The following ATP2C2 variants were observed in gnomAD, a reference collection of about 807,000 sequenced individuals.
ATP2C2 encodes the protein ATPase secretory pathway Ca2+ transporting 2.
Under a neutral mutation model 110.8 loss-of-function variants are expected in ATP2C2, and 171 were observed. The observed-to-expected ratio is 1.54, with a 90% CI of 1.36 to 1.75. The LOEUF is 1.75. Ranked by LOEUF, ATP2C2 falls within the 40% of genes most tolerant of loss-of-function variation. The probability of loss-of-function intolerance (pLI) is 0.00; values close to 1 mark genes in which losing one functional copy is unlikely to be tolerated. For synonymous variants in ATP2C2, 804 were observed against 508.4 expected, an observed-to-expected ratio of 1.58 and a Z score of -7.82; for missense variants, 1,963 against 1,235.0, an observed-to-expected ratio of 1.59 and a Z score of -8.84.
chr16:84,452,228 T>G (rs867465820), intron 18 of ATP2C2, 137 bp downstream of exon 18: 3 of 1,059,516 alleles, frequency 2.8e-6, no homozygotes, highest in Non-Finnish European at 4.0e-6. Context: ...GAAAAGACGC[T>G]GAGTATTCGT....
At chr16:84,416,256 C>T (rs1221956753) in intron 7 of ATP2C2, among the ~76,000 whole-genome samples, 3 of 152,168 alleles carry the variant, frequency 2.0e-5, no homozygotes, top group Admixed American at 6.5e-5. Flanking sequence ...CAGAGCCATG[C>T]CTGAGGCACT....
chr16:84,384,864 A>G (rs1904299563), intron 1 of ATP2C2, among the ~76,000 whole-genome samples: 3 of 152,212 alleles, frequency 2.0e-5, no homozygotes, highest in Admixed American at 1.3e-4. Flanking sequence ...AGCCTGGCCA[A>G]CATGGTGAAA....
At chr16:84,438,291 A>G (rs1173207497) in intron 11 of ATP2C2, among the ~76,000 whole-genome samples, 1 of 152,180 alleles carries the variant, frequency 6.6e-6, no homozygotes, top group East Asian at 1.9e-4. Context: ...TGCCCTTTCT[A>G]CAGCCCACCC....
intron 1 of ATP2C2, among the ~76,000 whole-genome samples, chr16:84,394,429 A>G (rs902647594): frequency 6.6e-6 from 1 of 151,992 alleles, no homozygotes; most frequent in African/African-American, 2.4e-5. Flanking sequence ...CTTTCCTATG[A>G]GTGGACTCAC....
At chr16:84,410,150 A>G (rs1906147235) in intron 4 of ATP2C2, among the ~76,000 whole-genome samples, 1 of 152,188 alleles carries the variant, frequency 6.6e-6, no homozygotes. Context: ...CGGAGGTTGC[A>G]GTGAGCCAAG....
chr16:84,405,911 C>T (rs536809906), intron 3 of ATP2C2, among the ~76,000 whole-genome samples: 93 of 152,258 alleles, frequency 6.1e-4, no homozygotes, highest in African/African-American at 2.1e-3. Flanking sequence ...CAGAGTGAGA[C>T]CTTGTCTCCA....
intron 11 of ATP2C2, among the ~76,000 whole-genome samples, chr16:84,437,634 G>A (rs895169312): frequency 1.3e-5 from 2 of 152,166 alleles, no homozygotes; most frequent in Non-Finnish European, 1.5e-5. Context: ...TCCTGCCTCA[G>A]CCTCCTGAGT....
intron 6 of ATP2C2, among the ~76,000 whole-genome samples, chr16:84,411,724 G>C (rs556546182): frequency 5.9e-5 from 9 of 152,254 alleles, no homozygotes; most frequent in South Asian, 4.1e-4. Context: ...TTACAGGTGT[G>C]AGCCACCGTG....
chr16:84,430,521 A>G (rs1181016191), intron 11 of ATP2C2, among the ~76,000 whole-genome samples: 1 of 151,810 alleles, frequency 6.6e-6, no homozygotes, highest in Non-Finnish European at 1.5e-5. Flanking sequence ...CGTGCCTATA[A>G]TCCCAGCTAC....
intron 15 of ATP2C2, 40 bp from the exon 16 acceptor site, chr16:84,446,289 T>C: frequency 7.8e-7 from 1 of 1,284,492 alleles, no homozygotes; most frequent in Non-Finnish European, 1.1e-6. Context: ...GAGATTGGCT[T>C]CGGATGACTC....
In ATP2C2 at chr16:84,446,395, A is replaced by T; in HGVS notation, c.1468A>T (p.Lys490Ter). 1 of 1,607,964 alleles carries T rather than the reference A, an allele frequency of 6.2e-7. No homozygotes were observed. Among genetic ancestry groups the T allele is most frequent in the Non-Finnish European group, 8.5e-7 (1 of 1,177,760 alleles). ...KKEIPFSSEQ[K>*]WMAVKCSLKT... The stretch of plus-strand genomic sequence containing the variant: ...AGAGATTCCATTCAGTTCAGAGCAG[A>T]AGTGGATGGCGGTGAAATGCAGTCT... The change falls in exon 16 of 27, where the codon AAG becomes TAG. Residue 490 changes from lysine (K) to a stop codon, truncating the protein, a stop_gained. Transcript: ENST00000262429. LOFTEE classifies it high-confidence loss of function.
At chr16:84,445,626 C>A (rs1291853198) in intron 15 of ATP2C2, among the ~76,000 whole-genome samples, 1 of 152,184 alleles carries the variant, frequency 6.6e-6, no homozygotes, top group Admixed American at 6.5e-5. Flanking sequence ...GAGGTTAGGA[C>A]TTCAACATAT....
chr16:84,453,032 C>G, intron 18 of ATP2C2, 106 bp from the exon 19 acceptor site: 1 of 1,201,388 alleles, frequency 8.3e-7, no homozygotes, highest in Non-Finnish European at 1.2e-6. Context: ...TAAACCGTCT[C>G]CAGCATGGTT....
intron 4 of ATP2C2, among the ~76,000 whole-genome samples, chr16:84,408,902 A>G (rs543389966): frequency 3.3e-5 from 5 of 151,948 alleles, no homozygotes; most frequent in Non-Finnish European, 4.4e-5. Context: ...AATATTGACT[A>G]TTTCACAGTG....
chr16:84,439,495 C>A lies in ATP2C2; in HGVS notation c.1180C>A (p.Leu394Ile), dbSNP rs1269226005. ...LTANEMTVTQ[L>I]VTSDGLRAEV... ...TGCCAATGAAATGACAGTGACCCAG[C>A]TTGTAACGTCAGATGGGCTTCGTGC... is the stretch of plus-strand genomic sequence containing the variant. Residue 394 changes from leucine (L) to isoleucine (I), a missense_variant, in exon 13 of 27, where the codon CTT becomes ATT. Coordinates refer to ENST00000262429, the MANE Select transcript of ATP2C2 (RefSeq NM_014861.4). 2 of 1,614,186 alleles carry A rather than the reference C, an allele frequency of 1.2e-6. No homozygotes were observed. The highest frequency in any genetic ancestry group is 1.7e-6 in the Non-Finnish European group (2 of 1,180,036).
chr16:84,444,584 A>G (rs1436352209), intron 15 of ATP2C2, among the ~76,000 whole-genome samples: 2 of 152,240 alleles, frequency 1.3e-5, no homozygotes, highest in African/African-American at 2.4e-5. Flanking sequence ...GTTTTAAAAT[A>G]GTGCTGAGTC....
Position 84,460,819 on chromosome 16 carries a change from C to T in ATP2C2, c.2481+18C>T, listed in dbSNP as rs376093453. On this transcript the variant is annotated intron_variant, in intron 24 of 26. Coordinates refer to ENST00000262429, the MANE Select transcript of ATP2C2 (RefSeq NM_014861.4). ...GGAAGGAGGTGAGCGAGGGTCACCC[C>T]GGCCTGTTCTCCAAGCCCTGGTGCG... 21 of 1,600,252 alleles carry T rather than the reference C, an allele frequency of 1.3e-5. No individual in the cohort carries two copies. The highest frequency in any genetic ancestry group is 5.6e-5 in the South Asian group (5 of 89,350).
At chr16:84,435,389 C>T (rs560297241) in intron 11 of ATP2C2, among the ~76,000 whole-genome samples, 1 of 152,322 alleles carries the variant, frequency 6.6e-6, no homozygotes, top group South Asian at 2.1e-4. Flanking sequence ...TGGATTCTCA[C>T]CAGGTGTTCA....
chr16:84,442,821 CA>C (rs1909395579), intron 15 of ATP2C2, among the ~76,000 whole-genome samples: 1 of 152,146 alleles, frequency 6.6e-6, no homozygotes, highest in Non-Finnish European at 1.5e-5. Flanking sequence ...ATCCCTCCAC[CA>C]GCGATTCCAA....
Sources: allele counts gnomAD v4.1 joint callset (sites outside exome capture counted in the v4.1 genomes callset), GRCh38; gene constraint gnomAD v4.1.1; transcripts MANE v1.5; gene names NCBI Gene and HGNC (gene_info 2026-07-23, HGNC 2026-07-21).